The following PMM2 variants were observed in gnomAD, a reference collection of about 807,000 sequenced individuals.
PMM2 encodes phosphomannomutase 2, also known as mannose-6-phosphate isomerase.
PMM2 carries 35 observed loss-of-function variants against 33.2 expected under a neutral mutation model. That is an observed-to-expected ratio of 1.06 (90% confidence interval 0.81 to 1.40). The LOEUF is 1.40. PMM2 is among the 40% of genes most tolerant of loss of function. The pLI is 0.00. For missense variants in PMM2, 386 were observed against 306.0 expected, an observed-to-expected ratio of 1.26 and a Z score of -1.95; for synonymous variants, 153 against 114.7, an observed-to-expected ratio of 1.33 and a Z score of -2.13.
chr16:8,832,651 C>T (rs1187304892), intron 7 of PMM2: 12 of 985,460 alleles, frequency 1.2e-5, no homozygotes, highest in Non-Finnish European at 1.4e-5. Context: ...CTAACTGCTC[C>T]CTTCAATTGC....
At chr16:8,821,691 A>G (rs2060740382) in intron 7 of PMM2, among the ~76,000 whole-genome samples, 1 of 152,202 alleles carries the variant, frequency 6.6e-6, no homozygotes, top group African/African-American at 2.4e-5. Context: ...CACTCGCCCT[A>G]GGGCCACTAG....
intron 7 of PMM2, among the ~76,000 whole-genome samples, chr16:8,846,801 C>A (rs1249042885): frequency 6.6e-6 from 1 of 152,192 alleles, no homozygotes; most frequent in Non-Finnish European, 1.5e-5. Context: ...CAGCATCTGA[C>A]CCAGGCCACC....
At chr16:8,840,451 G>C (rs547233421) in intron 7 of PMM2, among the ~76,000 whole-genome samples, 1 of 152,010 alleles carries the variant, frequency 6.6e-6, no homozygotes, top group East Asian at 1.9e-4. Context: ...GAGAATAGGA[G>C]TATGACCAGA....
At chr16:8,818,966 T>C (rs762437878) in intron 7 of PMM2, among the ~76,000 whole-genome samples, 6 of 152,242 alleles carry the variant, frequency 3.9e-5, no homozygotes, top group Admixed American at 1.3e-4. Flanking sequence ...TCAGCCACTC[T>C]GAATTCGCAG....
intron 7 of PMM2, among the ~76,000 whole-genome samples, chr16:8,836,301 T>G (rs2060846728): frequency 6.6e-6 from 1 of 151,936 alleles, no homozygotes; most frequent in South Asian, 2.1e-4. Flanking sequence ...TAAGCCGAGA[T>G]CTGGGAAGGA....
At chr16:8,802,800 A>G (rs141584957) in intron 2 of PMM2, among the ~76,000 whole-genome samples, 1,859 of 150,694 alleles carry the variant, frequency 0.012, 15 homozygotes, top group Non-Finnish European at 0.021. Flanking sequence ...ATTGCACTCC[A>G]GCCTGGGCAA....
At chr16:8,832,524 G>A (rs2060816851) in intron 7 of PMM2, 1 of 985,388 alleles carries the variant, frequency 1.0e-6, no homozygotes, top group Non-Finnish European at 1.2e-6. Context: ...GACATCTGCA[G>A]GGAAGGGCAG....
rs548338596 is a variant in PMM2 at position 8,847,941 on chromosome 16, A to G, written c.*116A>G. 2.7e-6 allele frequency: 2 copies of G among 743,548 alleles called. No homozygotes were observed. The highest frequency in any genetic ancestry group is 2.7e-5 in the East Asian group (1 of 37,350). 46.1% of individuals were successfully genotyped at this position (743,548 alleles called of 1,614,324 possible). A position where few individuals can be genotyped will look rare whatever the true frequency, so the allele number is the denominator to read the frequency against. ...CACCCGCAGCCTAGGCAGGCTCTGC[A>G]TGCTATGCCAGGCATGTGCAGTCTG... On this transcript the variant is annotated 3_prime_UTR_variant, in exon 8 of 8. Transcript: ENST00000268261.
intron 7 of PMM2, among the ~76,000 whole-genome samples, chr16:8,846,544 G>T (rs866235298): frequency 3.4e-4 from 52 of 152,232 alleles, no homozygotes; most frequent in Admixed American, 9.8e-4. Flanking sequence ...TGGGATTGGT[G>T]GGGGTGATGG....
intron 7 of PMM2, among the ~76,000 whole-genome samples, chr16:8,846,906 C>T (rs1444059184): frequency 6.6e-6 from 1 of 152,162 alleles, no homozygotes; most frequent in Non-Finnish European, 1.5e-5. Flanking sequence ...CTTTGTCGCC[C>T]AGGCTGGAGT....
chr16:8,844,632 C>G (rs2060913142), intron 7 of PMM2, among the ~76,000 whole-genome samples: 1 of 152,252 alleles, frequency 6.6e-6, no homozygotes, highest in South Asian at 2.1e-4. Flanking sequence ...TCTGACACCT[C>G]TGAAACGTGG....
chr16:8,838,323 T>G (rs987144105), intron 7 of PMM2, among the ~76,000 whole-genome samples: 7 of 152,024 alleles, frequency 4.6e-5, no homozygotes, highest in South Asian at 2.1e-4. Context: ...TGGATCTTCA[T>G]TTACTTCAGG....
intron 7 of PMM2, among the ~76,000 whole-genome samples, chr16:8,817,393 C>T (rs1264792494): frequency 6.6e-6 from 1 of 152,248 alleles, no homozygotes; most frequent in Non-Finnish European, 1.5e-5. Context: ...CAGTCCTTCT[C>T]TAGCTTGGTG....
intron 7 of PMM2, among the ~76,000 whole-genome samples, chr16:8,827,864 A>G (rs1374166740): frequency 3.3e-5 from 3 of 90,952 alleles, no homozygotes; most frequent in African/African-American, 1.1e-4. Flanking sequence ...TATGTTATAT[A>G]TTATATATAT....
intron 7 of PMM2, among the ~76,000 whole-genome samples, chr16:8,824,473 A>G (rs184780538): frequency 6.7e-4 from 102 of 152,366 alleles, no homozygotes; most frequent in African/African-American, 2.3e-3. Context: ...ATTATTACTC[A>G]TAACATATAC....
At chr16:8,806,674 A>C in intron 4 of PMM2, 1 of 511,896 alleles carries the variant, frequency 2.0e-6, no homozygotes, top group Non-Finnish European at 3.5e-6. Context: ...TTAAATCCGA[A>C]TCCCAGCACT....
intron 2 of PMM2, among the ~76,000 whole-genome samples, chr16:8,804,346 A>G (rs536903625): frequency 3.3e-5 from 5 of 152,072 alleles, no homozygotes; most frequent in Admixed American, 2.6e-4. Flanking sequence ...ACCCGACCCA[A>G]AGAGCTTTTT....
intron 7 of PMM2, among the ~76,000 whole-genome samples, chr16:8,834,008 C>T (rs1229784976): frequency 6.6e-6 from 1 of 151,756 alleles, no homozygotes; most frequent in Middle Eastern, 3.2e-3. Context: ...AGGAATATGA[C>T]TAGACAGGAG....
chr16:8,825,177 T>G (rs7198499), intron 7 of PMM2, among the ~76,000 whole-genome samples: 1 of 151,778 alleles, frequency 6.6e-6, no homozygotes, highest in African/African-American at 2.4e-5. Context: ...ACTACAGGCG[T>G]GTGCCACCAC....
Sources: allele counts gnomAD v4.1 joint callset (sites outside exome capture counted in the v4.1 genomes callset), GRCh38; gene constraint gnomAD v4.1.1; transcripts MANE v1.5; gene names NCBI Gene and HGNC (gene_info 2026-07-23, HGNC 2026-07-21).